CENPP: variants seen among roughly 807,000 people sequenced by gnomAD.
CENPP encodes the protein centromere protein P.
Under a neutral mutation model 35.6 loss-of-function variants are expected in CENPP, and 24 were observed. The ratio of observed to expected loss-of-function variants is 0.67; its 90% CI spans 0.49 to 0.95. The LOEUF is 0.95. Ranked by LOEUF, CENPP falls within the 40% of genes least tolerant of loss-of-function variation. CENPP has a pLI of 0.00. For missense variants in CENPP, 332 were observed against 345.3 expected (o/e 0.96, Z 0.31); for synonymous variants, 120 against 125.5 (o/e 0.96, Z 0.29).
At chr9:92,358,136 T>C (rs1363726898) in intron 4 of CENPP, among the ~76,000 whole-genome samples, 1 of 152,152 alleles carries the variant, frequency 6.6e-6, no homozygotes, top group Non-Finnish European at 1.5e-5. Flanking sequence ...TTTAACACTT[T>C]ATTCTGTCTG....
intron 5 of CENPP, among the ~76,000 whole-genome samples, chr9:92,583,066 A>G (rs1490112451): frequency 1.3e-5 from 2 of 152,198 alleles, no homozygotes; most frequent in African/African-American, 2.4e-5. Context: ...AGTTTAAGCA[A>G]CTTCCCAGAC....
Position 92,619,052 on chromosome 9 carries a change from C to T in CENPP, c.*5903C>T, listed in dbSNP as rs933133095. 31 of 227,940 alleles carry T rather than the reference C, an allele frequency of 1.4e-4. No individual in the cohort carries two copies. Among genetic ancestry groups the T allele is most frequent in the Admixed American group, 1.0e-4 (2 of 19,450 alleles). 14.1% of individuals were successfully genotyped at this position (227,940 alleles called of 1,614,324 possible). ...CAGAAGAGGAAGCAGAATGAATGCG[C>T]GCCTCACAGGCTTTCAAATGACTGT... On this transcript the variant is annotated 3_prime_UTR_variant, in exon 8 of 8. Coordinates refer to ENST00000375587, the MANE Select transcript of CENPP (RefSeq NM_001012267.3).
intron 5 of CENPP, among the ~76,000 whole-genome samples, chr9:92,462,792 C>A (rs1030316092): frequency 1.3e-5 from 2 of 152,156 alleles, no homozygotes; most frequent in African/African-American, 4.8e-5. Context: ...GTGGACCCTC[C>A]AGTATGTAAG....
At chr9:92,584,480 C>G (rs1438469389) in intron 5 of CENPP, among the ~76,000 whole-genome samples, 1 of 152,178 alleles carries the variant, frequency 6.6e-6, no homozygotes, top group African/African-American at 2.4e-5. Context: ...TTCAGAGTAG[C>G]TAGGACTACA....
intron 3 of CENPP, among the ~76,000 whole-genome samples, chr9:92,342,837 A>G: frequency 6.6e-6 from 1 of 152,234 alleles, no homozygotes. Flanking sequence ...TTGTGTATGT[A>G]TGCCTTTAGA....
intron 5 of CENPP, among the ~76,000 whole-genome samples, chr9:92,397,319 GT>G (rs1439452074): frequency 6.6e-6 from 1 of 151,990 alleles, no homozygotes; most frequent in Non-Finnish European, 1.5e-5. Context: ...AGCACTGGGG[GT>G]TTTTTTGGTT....
intron 5 of CENPP, among the ~76,000 whole-genome samples, chr9:92,514,124 C>CT (rs34816093): frequency 0.017 from 2,346 of 136,260 alleles, 25 homozygotes; most frequent in African/African-American, 0.026. Flanking sequence ...GAATCGTTCA[C>CT]TTTTTTTTTT....
chr9:92,380,934 A>G (rs534783428), intron 5 of CENPP, among the ~76,000 whole-genome samples: 7 of 152,034 alleles, frequency 4.6e-5, no homozygotes, highest in Non-Finnish European at 1.0e-4. Context: ...TAATTGGTGT[A>G]TTTTTCTTAT....
At chr9:92,554,796 C>T (rs879165361) in intron 5 of CENPP, among the ~76,000 whole-genome samples, 1 of 152,028 alleles carries the variant, frequency 6.6e-6, no homozygotes, top group Admixed American at 6.5e-5. Context: ...TGCCACTGCG[C>T]CCGGCTTATT....
intron 5 of CENPP, among the ~76,000 whole-genome samples, chr9:92,465,439 G>T (rs1234681392): frequency 6.6e-6 from 1 of 152,156 alleles, no homozygotes; most frequent in Admixed American, 6.5e-5. Context: ...AAGTCAATTA[G>T]AAATTGTTGT....
rs1843934610 is a variant in CENPP, at chr9:92,425,283, G to A, written c.564+45424G>A. ...TTAGTCAGTTGGTTGCACTCCAAAG[G>A]TGTATCTTCAATTTGCCTGTTTTTA... is the stretch of plus-strand genomic sequence containing the variant. On this transcript the variant is annotated intron_variant, in intron 5 of 7. Coordinates refer to ENST00000375587, the MANE Select transcript of CENPP (RefSeq NM_001012267.3). Among the ~76,000 whole-genome samples the A allele has an allele frequency of 2.6e-5, 4 of 152,082 alleles. 1 individual carries two copies. Among genetic ancestry groups the A allele is most frequent in the Admixed American group, 2.0e-4 (3 of 15,266 alleles).
intron 5 of CENPP, among the ~76,000 whole-genome samples, chr9:92,575,949 G>T (rs920933337): frequency 6.6e-6 from 1 of 152,222 alleles, no homozygotes; most frequent in African/African-American, 2.4e-5. Context: ...CAGCATAGCA[G>T]TTCCTAAGAA....
intron 4 of CENPP, among the ~76,000 whole-genome samples, chr9:92,373,291 T>C (rs1842051471): frequency 6.6e-6 from 1 of 152,076 alleles, no homozygotes; most frequent in African/African-American, 2.4e-5. Context: ...TATTAACGAC[T>C]GGGCTATACC....
intron 5 of CENPP, among the ~76,000 whole-genome samples, chr9:92,568,134 A>C (rs1290595277): frequency 1.2e-5 from 1 of 85,404 alleles, no homozygotes; most frequent in African/African-American, 8.1e-5. Context: ...TGTGCACAAC[A>C]TGCAGGTTTG....
intron 5 of CENPP, among the ~76,000 whole-genome samples, chr9:92,402,833 A>G (rs1843173563): frequency 6.6e-6 from 1 of 152,212 alleles, no homozygotes; most frequent in Non-Finnish European, 1.5e-5. Context: ...GTTTTCTATA[A>G]TAATAACCTT....
Position 92,619,414 on chromosome 9 carries a change from T to C in CENPP, c.*6265T>C. On this transcript the variant is annotated 3_prime_UTR_variant, in exon 8 of 8. Coordinates refer to ENST00000375587, the MANE Select transcript of CENPP (RefSeq NM_001012267.3). Reference sequence around the variant, plus strand: ...CTAAATATGGGGAAACCAACTATCCTATTAACAATTCACCAACTGTCCATA... The same window carrying C: ...CTAAATATGGGGAAACCAACTATCCCATTAACAATTCACCAACTGTCCATA... 1 of 1,225,252 alleles carries C rather than the reference T, an allele frequency of 8.2e-7. No homozygotes were observed. Among genetic ancestry groups the C allele is most frequent in the East Asian group, 2.5e-5 (1 of 39,258 alleles). The allele number at this position is 1,225,252 out of a possible 1,614,324, so 75.9% of individuals were successfully genotyped here. A position where few individuals can be genotyped will look rare whatever the true frequency, so the allele number is the denominator to read the frequency against.
intron 5 of CENPP, among the ~76,000 whole-genome samples, chr9:92,605,656 A>C (rs1457167484): frequency 6.6e-6 from 1 of 152,206 alleles, no homozygotes; most frequent in Non-Finnish European, 1.5e-5. Context: ...CTCAAAATGG[A>C]TCAAAGACCT....
At chr9:92,461,920 A>G (rs907403817) in intron 5 of CENPP, among the ~76,000 whole-genome samples, 1 of 152,092 alleles carries the variant, frequency 6.6e-6, no homozygotes, top group African/African-American at 2.4e-5. Flanking sequence ...ACCATTATAA[A>G]CACGGATTTT....
intron 5 of CENPP, among the ~76,000 whole-genome samples, chr9:92,503,350 AC>A (rs1846802565): frequency 6.6e-6 from 1 of 152,156 alleles, no homozygotes; most frequent in South Asian, 2.1e-4. Flanking sequence ...AGGGAAGCCC[AC>A]CCGTGGTTAC....
Sources: allele counts gnomAD v4.1 joint callset (sites outside exome capture counted in the v4.1 genomes callset), GRCh38; gene constraint gnomAD v4.1.1; transcripts MANE v1.5; gene names NCBI Gene and HGNC (gene_info 2026-07-23, HGNC 2026-07-21).